Variants in ZNF438 observed in about 807,000 individuals in gnomAD.
ZNF438 encodes zinc finger protein 438.
ZNF438 carries 25 observed loss-of-function variants against 38.0 expected under a neutral mutation model. The observed-to-expected ratio is 0.66, with a 90% CI of 0.48 to 0.92. The LOEUF is 0.92. Among genes scored for constraint, ZNF438 ranks in the 40% least tolerant of loss-of-function variants. The pLI, the probability that ZNF438 is intolerant of heterozygous loss-of-function variation, is 0.00. For synonymous variants in ZNF438, 372 were observed against 364.1 expected (o/e 1.02, Z -0.25); for missense variants, 1,007 against 999.6 (o/e 1.01, Z -0.10).
chr10:30,960,992 C>T (rs796567680), intron 1 of ZNF438, among the ~76,000 whole-genome samples: 5 of 145,332 alleles, frequency 3.4e-5, no homozygotes, highest in African/African-American at 1.2e-4. Flanking sequence ...AGGTTAGGTG[C>T]CAAAGATACA....
At chr10:30,930,831 A>AAAAAAAAAAAAAAAAAC (rs2045594688) in intron 2 of ZNF438, among the ~76,000 whole-genome samples, 1 of 115,892 alleles carries the variant, frequency 8.6e-6, no homozygotes, top group Non-Finnish European at 1.8e-5. Context: ...AAAAAAAAAA[A>AAAAAAAAAAAAAAAAAC]AAAGCAAATG....
At chr10:30,893,770 AC>A (rs1199478487) in intron 3 of ZNF438, among the ~76,000 whole-genome samples, 1 of 152,204 alleles carries the variant, frequency 6.6e-6, no homozygotes, top group East Asian at 1.9e-4. Flanking sequence ...TTAGGGTACA[AC>A]ATGGAAAAAC....
intron 1 of ZNF438, among the ~76,000 whole-genome samples, chr10:30,964,444 C>T (rs1564749805): frequency 6.6e-6 from 1 of 152,160 alleles, no homozygotes; most frequent in African/African-American, 2.4e-5. Flanking sequence ...ATATCCTCTT[C>T]GTTGAGAAGT....
chr10:30,881,295 A>AAG (rs1382359697), intron 3 of ZNF438, among the ~76,000 whole-genome samples: 3 of 152,192 alleles, frequency 2.0e-5, no homozygotes, highest in African/African-American at 7.2e-5. Context: ...TACACAATAC[A>AAG]AAATCAATAT....
rs1411090588 is a variant in ZNF438, at chr10:30,954,787, C to T, written c.-191-13136G>A. On this transcript the variant is annotated intron_variant, in intron 1 of 5. Coordinates refer to ENST00000413025, the Ensembl canonical transcript of ZNF438. ...TTAAAAAACATTATATCAGCTTGCA[C>T]TGAAAGGGACAGAGATAGTGCAAAA... is the stretch of plus-strand genomic sequence containing the variant. 2.0e-5 allele frequency among the ~76,000 whole-genome samples: 3 copies of T among 152,116 alleles called. No individual in the cohort carries two copies. The East Asian group carries it at 5.8e-4, about 29-fold the overall frequency.
chr10:30,888,360 C>CACACACACACAA lies in ZNF438; in HGVS notation c.-31-11296_-31-11295insTTGTGTGTGTGT, dbSNP rs1368080464. 3.3e-5 allele frequency among the ~76,000 whole-genome samples: 5 copies of CACACACACACAA among 152,058 alleles called. No homozygotes were observed. The East Asian group carries it at 9.7e-4, about 29-fold the overall frequency. ...AATATTATAAACACACACACACACA[C>CACACACACACAA]AAACACACACATTTAGCTTTTATTT... On this transcript the variant is annotated intron_variant, in intron 3 of 5. Transcript: ENST00000413025.
intron 3 of ZNF438, among the ~76,000 whole-genome samples, chr10:30,878,468 A>G (rs1477856343): frequency 1.3e-5 from 2 of 152,160 alleles, no homozygotes; most frequent in South Asian, 4.2e-4. Flanking sequence ...AGAGACATCC[A>G]TCGCTAAATA....
intron 3 of ZNF438, among the ~76,000 whole-genome samples, chr10:30,907,250 C>A (rs1340081333): frequency 6.6e-6 from 1 of 152,196 alleles, no homozygotes; most frequent in Non-Finnish European, 1.5e-5. Flanking sequence ...GCTGGGATTA[C>A]AACTGTGAGC....
At chr10:30,865,284 C>T (rs2036245613) in intron 4 of ZNF438, among the ~76,000 whole-genome samples, 1 of 152,332 alleles carries the variant, frequency 6.6e-6, no homozygotes, top group Admixed American at 6.5e-5. Context: ...TCACACATAG[C>T]AATGCGCAAT....
chr10:30,867,560 G>T (rs1001170178), intron 4 of ZNF438, among the ~76,000 whole-genome samples: 1 of 152,174 alleles, frequency 6.6e-6, no homozygotes, highest in African/African-American at 2.4e-5. Flanking sequence ...ATTTTTGAGA[G>T]TGTAAAGGGT....
chr10:30,935,792 G>C (rs2046187158), intron 2 of ZNF438, among the ~76,000 whole-genome samples: 3 of 152,164 alleles, frequency 2.0e-5, no homozygotes, highest in Non-Finnish European at 4.4e-5. Flanking sequence ...AAAGCATGAG[G>C]AGTGAGGAGG....
In ZNF438 at chr10:30,848,800, G is replaced by GT; in HGVS notation, c.1604dup (p.Tyr535Ter). Residue 535 changes from tyrosine to a stop codon, truncating the protein, a stop_gained and frameshift_variant, in exon 5 of 6, where the codon TAC becomes TAAC. Coordinates refer to ENST00000413025, the Ensembl canonical transcript of ZNF438. LOFTEE classifies it high-confidence loss of function. ...AGGACTTGCGACAAATCCGACAACT[G>GT]TAAGGGCGTCTGTTGGTGTGTGTAT... The GT allele has an allele frequency of 1.2e-6, 2 of 1,614,228 alleles. No homozygotes were observed. The highest frequency in any genetic ancestry group is 1.7e-6 in the Non-Finnish European group (2 of 1,180,046).
chr10:30,847,536 C>A (rs2032495885), intron 5 of ZNF438, among the ~76,000 whole-genome samples: 2 of 152,214 alleles, frequency 1.3e-5, no homozygotes, highest in Non-Finnish European at 2.9e-5. Context: ...GAACTTGAGA[C>A]CTGCCAAATG....
intron 3 of ZNF438, among the ~76,000 whole-genome samples, chr10:30,889,499 G>A (rs1267478619): frequency 2.0e-5 from 3 of 152,014 alleles, no homozygotes; most frequent in Non-Finnish European, 2.9e-5. Flanking sequence ...TCCACCTCCC[G>A]AATTCAAGTG....
intron 2 of ZNF438, among the ~76,000 whole-genome samples, chr10:30,929,395 AC>A (rs2045356413): frequency 6.6e-6 from 1 of 151,960 alleles, no homozygotes; most frequent in Admixed American, 6.5e-5. Flanking sequence ...AGTGAGTGTT[AC>A]AGCTCTTAAG....
intron 1 of ZNF438, among the ~76,000 whole-genome samples, chr10:30,973,549 T>C (rs2050980431): frequency 6.6e-6 from 1 of 152,262 alleles, no homozygotes; most frequent in South Asian, 2.1e-4. Context: ...GAATTTTATT[T>C]GCATTTATTC....
chr10:30,858,609 C>T (rs1207795126), intron 4 of ZNF438, among the ~76,000 whole-genome samples: 2 of 152,148 alleles, frequency 1.3e-5, no homozygotes, highest in African/African-American at 4.8e-5. Context: ...ACTCAGGATG[C>T]CAAATGCATT....
chr10:31,018,199 C>CCATATT (rs1289747536), intron 1 of ZNF438, among the ~76,000 whole-genome samples: 7 of 152,324 alleles, frequency 4.6e-5, no homozygotes, highest in African/African-American at 1.7e-4. Flanking sequence ...TTTTTTCCAA[C>CCATATT]ACTGCAATGC....
chr10:30,859,215 G>C (rs2035176694), intron 4 of ZNF438, among the ~76,000 whole-genome samples: 1 of 152,076 alleles, frequency 6.6e-6, no homozygotes, highest in South Asian at 2.1e-4. Flanking sequence ...CCAAGTAGCT[G>C]GGACTACAGG....
Sources: allele counts gnomAD v4.1 joint callset (sites outside exome capture counted in the v4.1 genomes callset), GRCh38; gene constraint gnomAD v4.1.1; transcripts MANE v1.5; gene names NCBI Gene and HGNC (gene_info 2026-07-23, HGNC 2026-07-21).